Variants in ANKS1B observed in about 807,000 individuals in gnomAD.
ANKS1B encodes the protein ankyrin repeat and sterile alpha motif domain-containing protein 1B.
In ANKS1B, 36 loss-of-function variants were observed where a neutral mutation model predicts 148.3. That is an observed-to-expected ratio of 0.24 (90% confidence interval 0.19 to 0.32). The LOEUF (loss-of-function observed/expected upper bound fraction) is 0.32. ANKS1B is among the 10% of genes least tolerant of loss of function. The pLI, the probability that ANKS1B is intolerant of heterozygous loss-of-function variation, is 1.00. For synonymous variants in ANKS1B, 542 were observed against 560.8 expected, an observed-to-expected ratio of 0.97 and a Z score of 0.47; for missense variants, 1,157 against 1,542.6, an observed-to-expected ratio of 0.75 and a Z score of 4.19.
intron 1 of ANKS1B, among the ~76,000 whole-genome samples, chr12:99,845,300 T>C (rs2086468133): frequency 6.6e-6 from 1 of 152,216 alleles, no homozygotes; most frequent in Non-Finnish European, 1.5e-5. Flanking sequence ...CTTTGTCTTG[T>C]GCTGGTTTCC....
intron 1 of ANKS1B, among the ~76,000 whole-genome samples, chr12:99,953,082 C>T (rs1200054198): frequency 6.6e-6 from 1 of 152,060 alleles, no homozygotes; most frequent in Non-Finnish European, 1.5e-5. Flanking sequence ...AATTGGAGAA[C>T]TGCTTATACA....
At chr12:99,296,784 G>T (rs1217405732) in intron 12 of ANKS1B, among the ~76,000 whole-genome samples, 1 of 152,248 alleles carries the variant, frequency 6.6e-6, no homozygotes, top group Non-Finnish European at 1.5e-5. Flanking sequence ...CTAAATATTT[G>T]TCGAATGATT....
intron 17 of ANKS1B, among the ~76,000 whole-genome samples, chr12:98,943,027 T>C (rs1019137705): frequency 3.3e-5 from 5 of 152,330 alleles, no homozygotes; most frequent in South Asian, 2.1e-4. Context: ...CAAAAAGAGA[T>C]AGAAATAAGA....
intron 17 of ANKS1B, among the ~76,000 whole-genome samples, chr12:98,899,928 C>T (rs956712812): frequency 2.0e-5 from 3 of 152,138 alleles, no homozygotes; most frequent in Non-Finnish European, 4.4e-5. Context: ...TACTTATTGT[C>T]TCCAATGATA....
intron 11 of ANKS1B, among the ~76,000 whole-genome samples, chr12:99,418,341 AGTGTTAG>A (rs1265690457): frequency 6.6e-6 from 1 of 152,230 alleles, no homozygotes; most frequent in Non-Finnish European, 1.5e-5. Flanking sequence ...TTTGGATAAA[AGTGTTAG>A]ATTTATATCT....
rs75558308 is a variant in ANKS1B, at chr12:99,935,737, C to T, written c.134+48367G>A. ...AAACCCAATCCCTTTTAAAGGCTCA[C>T]TTGATTAGATCAGGCCCACCCAGAT... On this transcript the variant is annotated intron_variant, in intron 1 of 26. Transcript: ENST00000683438. 8.7e-3 allele frequency among the ~76,000 whole-genome samples: 1,324 copies of T among 152,228 alleles called. 23 individuals are homozygous for T. The highest frequency in any genetic ancestry group is 0.03 in the African/African-American group (1,258 of 41,528).
chr12:99,110,189 G>A (rs879388114), intron 15 of ANKS1B, among the ~76,000 whole-genome samples: 10 of 152,156 alleles, frequency 6.6e-5, no homozygotes, highest in Non-Finnish European at 1.2e-4. Context: ...TAAGATAGAT[G>A]AGAAACTGCA....
intron 1 of ANKS1B, among the ~76,000 whole-genome samples, chr12:99,919,788 A>AAAC (rs1213773092): frequency 1.3e-5 from 2 of 151,906 alleles, no homozygotes; most frequent in Non-Finnish European, 2.9e-5. Flanking sequence ...TTAAAAAAAA[A>AAAC]AAAAAACCTG....
rs113304626 is a variant in ANKS1B at position 99,422,966 on chromosome 12, A to C, written c.1575+20707T>G. Among the ~76,000 whole-genome samples, 417 of 152,302 alleles carry C rather than the reference A, an allele frequency of 2.7e-3. 2 individuals carry two copies. Among genetic ancestry groups the C allele is most frequent in the African/African-American group, 9.6e-3 (399 of 41,562 alleles). ...GTTTAATAGGATGGAGAAAGAAATG[A>C]AGAGGTTCAGAAAGGTTTTAAACAT... On this transcript the variant is annotated intron_variant, in intron 11 of 26. Coordinates refer to ENST00000683438, the MANE Select transcript of ANKS1B (RefSeq NM_001352186.2).
At chr12:99,233,936 G>A (rs949098176) in intron 14 of ANKS1B, among the ~76,000 whole-genome samples, 1 of 152,094 alleles carries the variant, frequency 6.6e-6, no homozygotes. Context: ...TTAGAAATGT[G>A]TAGGGGTGGG....
chr12:99,428,806 G>C (rs992261118), intron 11 of ANKS1B, among the ~76,000 whole-genome samples: 1 of 152,054 alleles, frequency 6.6e-6, no homozygotes, highest in Non-Finnish European at 1.5e-5. Context: ...AGGAAGTAAA[G>C]CTTCTTAGAG....
intron 1 of ANKS1B, among the ~76,000 whole-genome samples, chr12:99,833,964 A>G (rs1247685987): frequency 6.6e-6 from 1 of 152,170 alleles, no homozygotes; most frequent in Admixed American, 6.6e-5. Flanking sequence ...GCATATATCT[A>G]AATATATTCA....
chr12:99,077,138 G>A (rs1396716078), intron 16 of ANKS1B, among the ~76,000 whole-genome samples: 1 of 152,156 alleles, frequency 6.6e-6, no homozygotes, highest in African/African-American at 2.4e-5. Flanking sequence ...ACCACAGCCT[G>A]TCTTACTAAG....
chr12:99,133,269 T>A (rs149564772), intron 15 of ANKS1B, among the ~76,000 whole-genome samples: 2,812 of 152,106 alleles, frequency 0.018, 86 homozygotes, highest in African/African-American at 0.065. Flanking sequence ...GTCAGGCTGG[T>A]CTCAAACTCC....
chr12:99,514,578 T>G lies in ANKS1B; in HGVS notation c.1273-9937A>C, dbSNP rs142534204. Among the ~76,000 whole-genome samples the G allele has an allele frequency of 7.7e-4, 117 of 152,208 alleles. 1 individual carries two copies. The highest frequency in any genetic ancestry group is 2.8e-3 in the African/African-American group (115 of 41,564). On this transcript the variant is annotated intron_variant, in intron 9 of 26. Coordinates refer to ENST00000683438, the MANE Select transcript of ANKS1B (RefSeq NM_001352186.2). ...GCCATCCAGAAACTAGGACTGAAAT[T>G]ATTAAGTGACTTGTCCAATATTAAG...
intron 9 of ANKS1B, chr12:99,648,605 C>T (rs752986456): frequency 4.1e-5 from 66 of 1,614,084 alleles, no homozygotes; most frequent in Non-Finnish European, 5.2e-5. Flanking sequence ...AAGCTTGCCA[C>T]GGGCCGCTCT....
At chr12:98,995,211 CA>C (rs1461930011) in intron 17 of ANKS1B, among the ~76,000 whole-genome samples, 1 of 151,920 alleles carries the variant, frequency 6.6e-6, no homozygotes, top group Non-Finnish European at 1.5e-5. Context: ...TACCATGTAC[CA>C]GACTGTTTTA....
At chr12:99,274,946 G>A (rs1489973375) in intron 12 of ANKS1B, among the ~76,000 whole-genome samples, 5 of 152,174 alleles carry the variant, frequency 3.3e-5, no homozygotes, top group Admixed American at 6.5e-5. Context: ...CTTCCTTAAA[G>A]CATGGTGGCT....
At position 99,324,751 on chromosome 12, in the gene ANKS1B, GA is replaced by G. The variant is rs572136952; in HGVS notation, c.1756+74879del. Among the ~76,000 whole-genome samples the G allele has an allele frequency of 1.1e-4, 17 of 152,204 alleles. No homozygotes were observed. The East Asian group carries it at 3.3e-3, about 29-fold the overall frequency. ...TGTACAAAGTTACCTCTTTTCAAGAGAGTCAGTCTGCCCTTGAAACTTAGTA... is the reference window on the plus strand; with the variant it reads ...TGTACAAAGTTACCTCTTTTCAAGAGGTCAGTCTGCCCTTGAAACTTAGTA... On this transcript the variant is annotated intron_variant, in intron 12 of 26. Transcript: ENST00000683438.
Sources: allele counts gnomAD v4.1 joint callset (sites outside exome capture counted in the v4.1 genomes callset), GRCh38; gene constraint gnomAD v4.1.1; transcripts MANE v1.5; gene names NCBI Gene and HGNC (gene_info 2026-07-23, HGNC 2026-07-21).